The following FGF12 variants were observed in gnomAD, a reference collection of about 807,000 sequenced individuals.
FGF12 encodes the protein fibroblast growth factor 12B.
A neutral mutation model predicts 23.6 loss-of-function variants in FGF12; 14 were observed. That is an observed-to-expected ratio of 0.59 (90% CI 0.39 to 0.93). FGF12 has a LOEUF of 0.93. FGF12 is among the 40% of genes least tolerant of loss of function. The probability of loss-of-function intolerance (pLI) is 0.00; values close to 1 mark genes in which losing one functional copy is unlikely to be tolerated. For synonymous variants in FGF12, 62 were observed against 77.3 expected (o/e 0.80, Z 1.04); for missense variants, 175 against 217.8 (o/e 0.80, Z 1.24).
intron 2 of FGF12, among the ~76,000 whole-genome samples, chr3:192,478,620 C>G (rs1203110031): frequency 1.3e-5 from 2 of 152,056 alleles, no homozygotes; most frequent in Non-Finnish European, 1.5e-5. Flanking sequence ...TTTTGATCAT[C>G]TATTAATCAT....
At chr3:192,444,947 TA>T (rs1722307876) in intron 2 of FGF12, among the ~76,000 whole-genome samples, 2 of 152,284 alleles carry the variant, frequency 1.3e-5, no homozygotes, top group South Asian at 4.1e-4. Flanking sequence ...CTTCTTTAAA[TA>T]AAAGATTTGT....
At chr3:192,334,626 A>G (rs1302013134) in intron 4 of FGF12, among the ~76,000 whole-genome samples, 2 of 152,152 alleles carry the variant, frequency 1.3e-5, no homozygotes, top group Non-Finnish European at 2.9e-5. Context: ...TTGCTACTTT[A>G]AAATATGTCA....
At position 192,456,213 on chromosome 3, in the gene FGF12, T is replaced by C. The variant is rs140118226; in HGVS notation, c.14-95675A>G. On this transcript the variant is annotated intron_variant, in intron 2 of 5. Coordinates refer to ENST00000445105, the MANE Select transcript of FGF12 (RefSeq NM_004113.6). ...TAATTATGCTCTAAAATTCGAAATG[T>C]ATTGTTATGTTTTAGACCTACACAG... Among the ~76,000 whole-genome samples the C allele has an allele frequency of 1.6e-3, 247 of 152,348 alleles. 1 individual carries two copies. The highest frequency in any genetic ancestry group is 5.5e-3 in the African/African-American group (228 of 41,586).
At chr3:192,594,130 C>T (rs1713741324) in intron 2 of FGF12, among the ~76,000 whole-genome samples, 1 of 151,820 alleles carries the variant, frequency 6.6e-6, no homozygotes, top group Non-Finnish European at 1.5e-5. Context: ...TGCCTATTTT[C>T]AAAAGTTGGA....
chr3:192,243,974 T>A (rs1347930590), intron 4 of FGF12, among the ~76,000 whole-genome samples: 2 of 152,194 alleles, frequency 1.3e-5, no homozygotes. Flanking sequence ...TCCTACAATA[T>A]GCTAAAACCA....
At chr3:192,234,291 G>A (rs1330062429) in intron 4 of FGF12, among the ~76,000 whole-genome samples, 1 of 152,066 alleles carries the variant, frequency 6.6e-6, no homozygotes, top group Non-Finnish European at 1.5e-5. Flanking sequence ...TGTCTTCCTA[G>A]GTACTTGATT....
chr3:192,628,490 C>A (rs1253638700), intron 2 of FGF12, among the ~76,000 whole-genome samples: 1 of 126,772 alleles, frequency 7.9e-6, no homozygotes, highest in Admixed American at 8.1e-5. Flanking sequence ...CACACACAGA[C>A]ATATATGTAT....
chr3:192,551,638 C>T (rs1711533922), intron 2 of FGF12, among the ~76,000 whole-genome samples: 1 of 152,122 alleles, frequency 6.6e-6, no homozygotes, highest in South Asian at 2.1e-4. Context: ...AAAATAATGG[C>T]CATGCCATAG....
At chr3:192,479,523 GA>G (rs61623837) in intron 2 of FGF12, among the ~76,000 whole-genome samples, 2,654 of 150,692 alleles carry the variant, frequency 0.018, 78 homozygotes, top group African/African-American at 0.061. Context: ...ATGATAAATG[GA>G]AAAAAAAAGT....
Position 192,179,242 on chromosome 3 carries a change from C to T in FGF12, c.229-8586G>A, listed in dbSNP as rs370720684. Among the ~76,000 whole-genome samples the T allele has an allele frequency of 1.1e-4, 16 of 152,156 alleles. No homozygotes were observed. The East Asian group carries it at 1.7e-3, about 17-fold the overall frequency. On this transcript the variant is annotated intron_variant, in intron 4 of 5. Coordinates refer to ENST00000445105, the MANE Select transcript of FGF12 (RefSeq NM_004113.6). ...CTTAAAAAAAACAACTCTGCAGATA[C>T]GGAAACCTTTGTCTACACACTTTTG...
chr3:192,692,032 C>T (rs1717958642), intron 2 of FGF12, among the ~76,000 whole-genome samples: 1 of 152,108 alleles, frequency 6.6e-6, no homozygotes, highest in South Asian at 2.1e-4. Flanking sequence ...AAAAACCTCT[C>T]AACAAAGTAA....
At chr3:192,210,218 C>T (rs990614272) in intron 4 of FGF12, among the ~76,000 whole-genome samples, 2 of 152,198 alleles carry the variant, frequency 1.3e-5, no homozygotes, top group African/African-American at 4.8e-5. Flanking sequence ...AGGAGATTCA[C>T]TGAGCTGAGG....
chr3:192,228,483 C>A (rs1416411838), intron 4 of FGF12, among the ~76,000 whole-genome samples: 1 of 152,092 alleles, frequency 6.6e-6, no homozygotes, highest in Non-Finnish European at 1.5e-5. Context: ...AGTGTTTTAT[C>A]TATGTAGCAA....
intron 3 of FGF12, among the ~76,000 whole-genome samples, chr3:192,354,590 A>C (rs1443312413): frequency 1.3e-5 from 2 of 152,360 alleles, no homozygotes; most frequent in South Asian, 2.1e-4. Context: ...CAGACAGTTC[A>C]TAGAAAAGGA....
At chr3:192,628,349 T>A (rs1244073555) in intron 2 of FGF12, among the ~76,000 whole-genome samples, 1 of 151,942 alleles carries the variant, frequency 6.6e-6, no homozygotes, top group Non-Finnish European at 1.5e-5. Context: ...CTTTTGTTTT[T>A]CTGGAATAAA....
At chr3:192,653,418 C>A (rs142917068) in intron 2 of FGF12, among the ~76,000 whole-genome samples, 1 of 152,162 alleles carries the variant, frequency 6.6e-6, no homozygotes, top group African/African-American at 2.4e-5. Context: ...CAGCCAGCCT[C>A]GCTTTCTGTG....
chr3:192,374,407 A>G (rs1413137770), intron 2 of FGF12, among the ~76,000 whole-genome samples: 1 of 152,220 alleles, frequency 6.6e-6, no homozygotes, highest in Non-Finnish European at 1.5e-5. Flanking sequence ...AGGCTCTGAA[A>G]ACATCTATAT....
chr3:192,634,374 T>G lies in FGF12; in HGVS notation c.13+92807A>C, dbSNP rs538158943. Among the ~76,000 whole-genome samples, 3 of 152,310 alleles carry G rather than the reference T, an allele frequency of 2.0e-5. No individual in the cohort carries two copies. In the South Asian group the frequency reaches 6.2e-4, roughly 32 times the overall value. On this transcript the variant is annotated intron_variant, in intron 2 of 5. Coordinates refer to ENST00000445105, the MANE Select transcript of FGF12 (RefSeq NM_004113.6). ...AAAATAATACAGTATAACAATTATC[T>G]ACATAGCATTTACATTGTATTAGAA... is the stretch of plus-strand genomic sequence containing the variant.
intron 2 of FGF12, among the ~76,000 whole-genome samples, chr3:192,684,929 A>AC (rs1261961581): frequency 5.3e-5 from 8 of 151,628 alleles, no homozygotes; most frequent in African/African-American, 1.9e-4. Context: ...TCAAATGTCA[A>AC]CTCCCCTATT....
Sources: gnomAD v4.1 joint callset for allele counts (sites outside exome capture counted in the v4.1 genomes callset) on GRCh38, gnomAD v4.1.1 for gene constraint, MANE v1.5 for transcripts, NCBI Gene and HGNC (gene_info 2026-07-23, HGNC 2026-07-21) for gene names.